The following SHTN1 variants were observed in gnomAD, a reference collection of about 807,000 sequenced individuals.
SHTN1 encodes the protein shootin 1.
SHTN1 carries 42 observed loss-of-function variants against 83.1 expected under a neutral mutation model. The observed-to-expected ratio is 0.51, with a 90% confidence interval of 0.39 to 0.65. The LOEUF (loss-of-function observed/expected upper bound fraction) is 0.65, where lower values mean the gene tolerates loss of function less well. Among genes scored for constraint, SHTN1 ranks in the 30% least tolerant of loss-of-function variants. SHTN1 has a pLI of 0.00. For missense variants in SHTN1, 622 were observed against 737.8 expected (o/e 0.84, Z 1.82); for synonymous variants, 224 against 247.7 (o/e 0.90, Z 0.90).
In SHTN1 at chr10:116,885,394, C is replaced by A. The variant is rs1847135385; in HGVS notation, c.*950G>T. 1 of 152,418 alleles carries A rather than the reference C, an allele frequency of 6.6e-6. No homozygotes were observed. Among genetic ancestry groups the A allele is most frequent in the Non-Finnish European group, 1.5e-5 (1 of 68,008 alleles). 9.4% of individuals were successfully genotyped at this position (152,418 alleles called of 1,614,324 possible). A position where few individuals can be genotyped will look rare whatever the true frequency, so the allele number is the denominator to read the frequency against. On this transcript the variant is annotated 3_prime_UTR_variant, in exon 17 of 17. Transcript: ENST00000355371. ...CCCTGATTACATTTCTATTTATTCA[C>A]TGTGGTAGCCTGAAACATTGTATTT...
intron 4 of SHTN1, among the ~76,000 whole-genome samples, chr10:116,954,718 A>G (rs1029909625): frequency 1.3e-5 from 2 of 152,174 alleles, no homozygotes; most frequent in African/African-American, 4.8e-5. Context: ...GGGATTAAAC[A>G]CATGACCCAA....
At chr10:117,118,671 T>C (rs1003646663) in intron 1 of SHTN1, among the ~76,000 whole-genome samples, 3 of 151,986 alleles carry the variant, frequency 2.0e-5, no homozygotes, top group African/African-American at 4.8e-5. Context: ...AACGAATTAG[T>C]GGATAAAGAA....
intron 2 of SHTN1, among the ~76,000 whole-genome samples, chr10:117,035,848 G>A (rs984699094): frequency 6.6e-6 from 1 of 150,532 alleles, no homozygotes; most frequent in African/African-American, 2.5e-5. Context: ...TCAGGAGGCT[G>A]AGGCAGGAGA....
At chr10:116,971,440 C>T (rs1850615642) in intron 2 of SHTN1, among the ~76,000 whole-genome samples, 1 of 152,184 alleles carries the variant, frequency 6.6e-6, no homozygotes, top group African/African-American at 2.4e-5. Context: ...ATAGGCTTTT[C>T]TTAGCTCCTT....
intron 9 of SHTN1, among the ~76,000 whole-genome samples, chr10:116,936,966 CAG>C (rs1396722174): frequency 2.0e-5 from 3 of 152,078 alleles, no homozygotes; most frequent in Admixed American, 2.0e-4. Context: ...TCTGTTTTAT[CAG>C]AGAGTAGGAT....
In SHTN1 at chr10:117,075,920, C is replaced by T. The variant is rs141218145; in HGVS notation, c.-188-27410G>A. Among the ~76,000 whole-genome samples, 331 of 152,220 alleles carry T rather than the reference C, an allele frequency of 2.2e-3. 1 individual carries two copies. The highest frequency in any genetic ancestry group is 6.8e-3 in the Middle Eastern group (2 of 294). Reference sequence around the variant, plus strand: ...TTTAGAGGCTGGGTGCAGTGGCTCACGCCTGTAATCCTAGCACTTTGGGAG... The same window carrying T: ...TTTAGAGGCTGGGTGCAGTGGCTCATGCCTGTAATCCTAGCACTTTGGGAG... On this transcript the variant is annotated intron_variant, in intron 1 of 17. Coordinates refer to the SHTN1 transcript ENST00000392901.
chr10:117,117,424 C>A (rs990324178), intron 1 of SHTN1, among the ~76,000 whole-genome samples: 2 of 152,094 alleles, frequency 1.3e-5, no homozygotes, highest in African/African-American at 2.4e-5. Flanking sequence ...AAAAGATATT[C>A]CATGCTCATG....
At chr10:117,029,549 C>T (rs1253227773) in intron 2 of SHTN1, among the ~76,000 whole-genome samples, 1 of 152,072 alleles carries the variant, frequency 6.6e-6, no homozygotes, top group East Asian at 1.9e-4. Flanking sequence ...GGAGGTGGGG[C>T]CTGGTGGGAG....
Position 116,921,422 on chromosome 10 carries a change from A to G in SHTN1, c.1195+12T>C. The G allele has an allele frequency of 6.2e-7, 1 of 1,601,272 alleles. No individual in the cohort carries two copies. The highest frequency in any genetic ancestry group is 2.2e-5 in the East Asian group (1 of 44,778). On this transcript the variant is annotated intron_variant, in intron 12 of 16. Transcript: ENST00000355371. Reference sequence around the variant, plus strand: ...ACCATCAACCACTTACACCAATAGAAGTGATGCTTACTTGTTTCTGGTTGA... The same window carrying G: ...ACCATCAACCACTTACACCAATAGAGGTGATGCTTACTTGTTTCTGGTTGA...
In SHTN1 at chr10:116,884,660, G is replaced by A. The variant is rs1847111702; in HGVS notation, c.*1684C>T. ...GAAGGAAGACAGCACAAAGAAACAT[G>A]AAAGAAAACTCAATAAACCATCTTA... is the stretch of plus-strand genomic sequence containing the variant. On this transcript the variant is annotated 3_prime_UTR_variant, in exon 17 of 17. Transcript: ENST00000355371. 6.1e-6 allele frequency: 1 copy of A among 163,604 alleles called. No homozygotes were observed. The highest frequency in any genetic ancestry group is 5.7e-5 in the Admixed American group (1 of 17,486). 10.1% of individuals were successfully genotyped at this position (163,604 alleles called of 1,614,324 possible). A position where few individuals can be genotyped will look rare whatever the true frequency, so the allele number is the denominator to read the frequency against.
At chr10:116,944,059 A>G (rs182683779) in intron 8 of SHTN1, among the ~76,000 whole-genome samples, 1 of 152,340 alleles carries the variant, frequency 6.6e-6, no homozygotes, top group African/African-American at 2.4e-5. Flanking sequence ...AATGTACTAC[A>G]TGGCAGTGTT....
chr10:117,025,955 T>C (rs973696873), intron 2 of SHTN1, among the ~76,000 whole-genome samples: 1 of 152,162 alleles, frequency 6.6e-6, no homozygotes, highest in Non-Finnish European at 1.5e-5. Flanking sequence ...GACTCTGAGA[T>C]GTGCTGGCTT....
At chr10:117,062,290 T>A (rs1852914923) in intron 1 of SHTN1, among the ~76,000 whole-genome samples, 1 of 152,216 alleles carries the variant, frequency 6.6e-6, no homozygotes, top group African/African-American at 2.4e-5. Context: ...GAAAAACATT[T>A]TTTGACCATA....
chr10:116,907,214 C>A (rs746801136), intron 14 of SHTN1, among the ~76,000 whole-genome samples: 4 of 152,150 alleles, frequency 2.6e-5, no homozygotes, highest in Non-Finnish European at 2.9e-5. Context: ...TGGCTGCACA[C>A]CTGATGTCCG....
chr10:117,003,279 G>C (rs1424457672), intron 1 of SHTN1, among the ~76,000 whole-genome samples: 1 of 150,282 alleles, frequency 6.7e-6, no homozygotes. Flanking sequence ...CCAGTCCCTC[G>C]CTAAAACACT....
At chr10:116,964,199 G>A (rs1483278564) in intron 3 of SHTN1, among the ~76,000 whole-genome samples, 5 of 152,104 alleles carry the variant, frequency 3.3e-5, no homozygotes, top group Non-Finnish European at 7.3e-5. Flanking sequence ...AACTACCATC[G>A]CCATTTGTTG....
intron 1 of SHTN1, among the ~76,000 whole-genome samples, chr10:116,988,711 T>C (rs765447209): frequency 2.6e-5 from 4 of 151,922 alleles, no homozygotes; most frequent in Non-Finnish European, 4.4e-5. Context: ...TGATCTTTTA[T>C]TTTTATTTTT....
chr10:117,065,728 GAAAGAAAGA>G (rs1852970040), intron 1 of SHTN1, among the ~76,000 whole-genome samples: 1 of 7,356 alleles, frequency 1.4e-4, no homozygotes, highest in African/African-American at 2.6e-4. Flanking sequence ...AGAGAGAGAT[GAAAGAAAGA>G]AAGAAAGAAA....
rs758936725 is a variant in SHTN1, at chr10:116,901,888, G to A, written c.1550C>T (p.Thr517Ile). 6.2e-7 allele frequency: 1 copy of A among 1,608,004 alleles called. No individual in the cohort carries two copies. Among genetic ancestry groups the A allele is most frequent in the Non-Finnish European group, 8.5e-7 (1 of 1,178,020 alleles). Residue 517 changes from threonine to isoleucine, a missense_variant, in exon 16 of 17, where the codon ACA (threonine) becomes ATA (isoleucine). Physicochemically the swap from Thr to Ile is moderately conservative, Grantham distance 89. Coordinates refer to ENST00000355371, the MANE Select transcript of SHTN1 (RefSeq NM_001127211.3). ...MPVLGSVSSV[T>I]KTALNKKTLE... ...AGTTTTCTTGTTCAAGGCTGTTTTT[G>A]TTACACTGGATACAGAACCCAACAC... is the stretch of plus-strand genomic sequence containing the variant.
Sources: allele counts gnomAD v4.1 joint callset (sites outside exome capture counted in the v4.1 genomes callset), GRCh38; gene constraint gnomAD v4.1.1; transcripts MANE v1.5; gene names NCBI Gene and HGNC (gene_info 2026-07-23, HGNC 2026-07-21).